The following RNLS variants were observed in gnomAD, a reference collection of about 807,000 sequenced individuals.
The protein encoded by RNLS is renalase, FAD dependent amine oxidase, also known as renalase.
In RNLS, 39 loss-of-function variants were observed where a neutral mutation model predicts 39.8. That is an observed-to-expected ratio of 0.98 (90% CI 0.76 to 1.28). The LOEUF is 1.28. RNLS is among the 50% of genes most tolerant of loss of function. RNLS has a pLI of 0.00. For missense variants in RNLS, 410 were observed against 413.3 expected (o/e 0.99, Z 0.07); for synonymous variants, 147 against 150.7 (o/e 0.98, Z 0.18).
chr10:88,379,557 C>T (rs1274551642), intron 4 of RNLS, among the ~76,000 whole-genome samples: 1 of 152,068 alleles, frequency 6.6e-6, no homozygotes, highest in African/African-American at 2.4e-5. Context: ...TATGCCTTTT[C>T]CTGATAACTA....
chr10:88,274,978 T>C lies in RNLS; in HGVS notation c.931A>G (p.Ile311Val), dbSNP rs1418451610. The C allele has an allele frequency of 3.1e-6, 5 of 1,613,016 alleles. 1 individual carries two copies. Among genetic ancestry groups the C allele is most frequent in the African/African-American group, 2.7e-5 (2 of 74,870 alleles). Residue 311 changes from isoleucine to valine, a missense_variant, in exon 7 of 7, where the codon ATT (isoleucine) becomes GTT (valine). By Grantham distance (29) the Ile-to-Val change is conservative (BLOSUM62 3). Transcript: ENST00000371947. Reference sequence around the variant, plus strand: ...CCAGGAAGTCAGATGGGAAATCCAATCGCCATCATCCAGGGGCTCTTCGCA... The same window carrying C: ...CCAGGAAGTCAGATGGGAAATCCAACCGCCATCATCCAGGGGCTCTTCGCA...
In RNLS at chr10:88,477,616, G is replaced by T. The variant is rs112486707; in HGVS notation, c.526+95287C>A. 2.5e-3 allele frequency among the ~76,000 whole-genome samples: 375 copies of T among 152,298 alleles called. 2 individuals are homozygous for T. The highest frequency in any genetic ancestry group is 8.6e-3 in the African/African-American group (358 of 41,576). Reference sequence around the variant, plus strand: ...CAGGGATGACAGAAATTTGAAGACTGTGGAAGACAATAACAGTGGTATGTG... The same window carrying T: ...CAGGGATGACAGAAATTTGAAGACTTTGGAAGACAATAACAGTGGTATGTG... On this transcript the variant is annotated intron_variant, in intron 4 of 6. Coordinates refer to ENST00000331772, the MANE Select transcript of RNLS (RefSeq NM_001031709.3).
At chr10:88,331,368 A>G (rs1847097857) in intron 5 of RNLS, among the ~76,000 whole-genome samples, 1 of 152,204 alleles carries the variant, frequency 6.6e-6, no homozygotes, top group Admixed American at 6.5e-5. Flanking sequence ...GGAGTGGAAG[A>G]CTTTAATGTT....
intron 4 of RNLS, among the ~76,000 whole-genome samples, chr10:88,569,829 T>G (rs1247233152): frequency 6.6e-6 from 1 of 151,574 alleles, no homozygotes; most frequent in East Asian, 1.9e-4. Flanking sequence ...AAACCTAAAA[T>G]AAAAGCTAAA....
chr10:88,266,858 TGGC>T, the RNLS span, among the ~76,000 whole-genome samples: 1 of 104,424 alleles, frequency 9.6e-6, no homozygotes, highest in Non-Finnish European at 1.8e-5. Flanking sequence ...GAAAGGTAGC[TGGC>T]TGCTGGTGTC....
chr10:88,289,211 T>C (rs1167530427), intron 6 of RNLS, among the ~76,000 whole-genome samples: 1 of 152,152 alleles, frequency 6.6e-6, no homozygotes, highest in East Asian at 1.9e-4. Context: ...TGTTTTGTTA[T>C]ATAAAATGCA....
chr10:88,476,137 C>G (rs1277993170), intron 4 of RNLS, among the ~76,000 whole-genome samples: 2 of 152,110 alleles, frequency 1.3e-5, no homozygotes, highest in African/African-American at 2.4e-5. Flanking sequence ...CCAAACCTAT[C>G]TAAGGAACGG....
chr10:88,190,883 T>A, the RNLS span, among the ~76,000 whole-genome samples: 1 of 152,196 alleles, frequency 6.6e-6, no homozygotes, highest in Admixed American at 6.5e-5. Flanking sequence ...CCTCACTACA[T>A]CCTGAACAGG....
chr10:88,203,289 TAC>T, the RNLS span, among the ~76,000 whole-genome samples: 18 of 4,076 alleles, frequency 4.4e-3, 1 homozygote, highest in Non-Finnish European at 7.0e-3. Context: ...TATATATATA[TAC>T]GTATGTATAT....
chr10:88,252,482 G>A, the RNLS span, among the ~76,000 whole-genome samples: 2 of 152,194 alleles, frequency 1.3e-5, no homozygotes, highest in Non-Finnish European at 2.9e-5. Flanking sequence ...TCACGAGGTG[G>A]GTGGGCAGAG....
At chr10:88,213,840 A>T in the RNLS span, among the ~76,000 whole-genome samples, 8 of 152,298 alleles carry the variant, frequency 5.3e-5, no homozygotes, top group South Asian at 1.0e-3. Flanking sequence ...CCTAGTTTAA[A>T]TTTAGGTATT....
At chr10:88,464,122 T>C (rs12778446) in intron 4 of RNLS, among the ~76,000 whole-genome samples, 50,682 of 151,792 alleles carry the variant, frequency 0.33, 10,005 homozygotes, top group African/African-American at 0.55. Flanking sequence ...TCAAGAAAAA[T>C]GCGGGCCAGA....
intron 4 of RNLS, among the ~76,000 whole-genome samples, chr10:88,418,644 A>T (rs1332558430): frequency 6.6e-6 from 1 of 152,174 alleles, no homozygotes; most frequent in Non-Finnish European, 1.5e-5. Context: ...CAAACATACA[A>T]TTTCTTTCTT....
At chr10:88,325,719 A>G (rs1846550748) in intron 5 of RNLS, among the ~76,000 whole-genome samples, 1 of 152,186 alleles carries the variant, frequency 6.6e-6, no homozygotes, top group Non-Finnish European at 1.5e-5. Context: ...AATAAATTCT[A>G]TCTCAATTGT....
chr10:88,582,710 A>C (rs978920635), intron 1 of RNLS, among the ~76,000 whole-genome samples: 17 of 152,342 alleles, frequency 1.1e-4, no homozygotes, highest in African/African-American at 3.8e-4. Context: ...CAAAGCCAAC[A>C]GACAGACCAA....
chr10:88,375,594 C>CAGAG (rs1262411679), intron 4 of RNLS, among the ~76,000 whole-genome samples: 2 of 152,140 alleles, frequency 1.3e-5, no homozygotes, highest in African/African-American at 4.8e-5. Context: ...AGATTACCAA[C>CAGAG]AGAGAGTTCA....
chr10:88,333,105 G>A (rs1467767628), intron 5 of RNLS, among the ~76,000 whole-genome samples: 1 of 152,076 alleles, frequency 6.6e-6, no homozygotes, highest in African/African-American at 2.4e-5. Context: ...CAGGAACCAT[G>A]ACATATTAAT....
chr10:88,391,607 A>G (rs1852206701), intron 4 of RNLS, among the ~76,000 whole-genome samples: 1 of 152,196 alleles, frequency 6.6e-6, no homozygotes, highest in Non-Finnish European at 1.5e-5. Flanking sequence ...ATTTCATTTT[A>G]GAATAGTTAG....
chr10:88,277,054 T>C (rs1842836125), intron 6 of RNLS, among the ~76,000 whole-genome samples: 1 of 152,144 alleles, frequency 6.6e-6, no homozygotes, highest in African/African-American at 2.4e-5. Context: ...CTATTCACAA[T>C]AGCAAAGACT....
Sources: allele counts gnomAD v4.1 joint callset (sites outside exome capture counted in the v4.1 genomes callset), GRCh38; gene constraint gnomAD v4.1.1; transcripts MANE v1.5; gene names NCBI Gene and HGNC (gene_info 2026-07-23, HGNC 2026-07-21).